The following JCAD variants were observed in gnomAD, a reference collection of about 807,000 sequenced individuals.
JCAD encodes junctional cadherin 5 associated, also known as junctional cadherin 5-associated protein.
A neutral mutation model predicts 98.0 loss-of-function variants in JCAD; 40 were observed. The observed-to-expected ratio is 0.41, with a 90% confidence interval of 0.32 to 0.53. The LOEUF is 0.53. Among genes scored for constraint, JCAD ranks in the 20% least tolerant of loss-of-function variants. JCAD has a pLI of 0.31. For missense variants in JCAD, 1,705 were observed against 1,738.1 expected (o/e 0.98, Z 0.34); for synonymous variants, 691 against 682.3 (o/e 1.01, Z -0.20).
At position 30,027,943 on chromosome 10, in the gene JCAD, T is replaced by A; in HGVS notation, c.2205A>T (p.Ala735=). The A allele has an allele frequency of 6.2e-7, 1 of 1,614,016 alleles. No individual in the cohort carries two copies. Among genetic ancestry groups the A allele is most frequent in the Non-Finnish European group, 8.5e-7 (1 of 1,179,942 alleles). ...PAASEAQTHT[A]FPTGDHKQRP... is the part of the protein sequence containing the mutation. ...TCTGTTTGTGATCACCGGTAGGGAATGCTGTGTGCGTCTGAGCTTCGGAGG... is the reference window on the plus strand; with the variant it reads ...TCTGTTTGTGATCACCGGTAGGGAAAGCTGTGTGCGTCTGAGCTTCGGAGG... The change falls in exon 3 of 4, where the codon GCA becomes GCT. Residue 735 remains alanine (A), a synonymous_variant. Transcript: ENST00000375377.
chr10:30,050,906 A>AG, intron 1 of JCAD, among the ~76,000 whole-genome samples: 1 of 152,332 alleles, frequency 6.6e-6, no homozygotes, highest in Non-Finnish European at 1.5e-5. Flanking sequence ...GCACACTTTC[A>AG]TTCATTCTAT....
At chr10:30,060,630 T>C (rs1244730810), upstream of JCAD, among the ~76,000 whole-genome samples, 1 of 152,202 alleles carries the variant, frequency 6.6e-6, no homozygotes, top group Non-Finnish European at 1.5e-5. Flanking sequence ...TTCAGAAAAC[T>C]ACTTAGCCAC....
intron 2 of JCAD, among the ~76,000 whole-genome samples, chr10:30,041,304 C>T (rs1401050419): frequency 1.3e-5 from 2 of 152,108 alleles, no homozygotes; most frequent in East Asian, 1.9e-4. Flanking sequence ...GAGGCTTTGC[C>T]TCGTAACAAG....
intron 1 of JCAD, among the ~76,000 whole-genome samples, chr10:30,092,100 AT>A (rs1194064394): frequency 0.014 from 1,116 of 82,614 alleles, 60 homozygotes; most frequent in African/African-American, 0.055. Flanking sequence ...AAGTTACTTT[AT>A]ATATATATAT....
chr10:30,109,855 C>T (rs929063041), intron 1 of JCAD, among the ~76,000 whole-genome samples: 19 of 150,120 alleles, frequency 1.3e-4, no homozygotes, highest in African/African-American at 4.7e-4. Context: ...TGTGTGGACC[C>T]CCTGGTTTAT....
At chr10:30,031,571 A>G (rs1267425643) in intron 2 of JCAD, among the ~76,000 whole-genome samples, 1 of 149,034 alleles carries the variant, frequency 6.7e-6, no homozygotes, top group Non-Finnish European at 1.5e-5. Context: ...CCTCCCGAGT[A>G]GCTGGGATTA....
chr10:30,083,732 A>G (rs1838122895), intron 1 of JCAD, among the ~76,000 whole-genome samples: 1 of 152,218 alleles, frequency 6.6e-6, no homozygotes. Context: ...TTTAAGCCAT[A>G]AGAAAGAAAA....
chr10:30,020,241 C>A (rs544545255), intron 3 of JCAD, among the ~76,000 whole-genome samples: 1 of 142,820 alleles, frequency 7.0e-6, no homozygotes, highest in East Asian at 2.2e-4. Flanking sequence ...GCACGAGAAT[C>A]ATTTGAACCT....
intron 1 of JCAD, among the ~76,000 whole-genome samples, chr10:30,086,446 G>T (rs562466838): frequency 1.3e-5 from 2 of 152,328 alleles, no homozygotes; most frequent in South Asian, 4.1e-4. Context: ...CTGCCTACAG[G>T]ATGATGTCAG....
intron 1 of JCAD, among the ~76,000 whole-genome samples, chr10:30,085,800 G>A (rs2132688724): frequency 6.6e-6 from 1 of 152,272 alleles, no homozygotes; most frequent in East Asian, 1.9e-4. Flanking sequence ...GTGCCCATGG[G>A]TTTAAGGTAA....
intron 1 of JCAD, among the ~76,000 whole-genome samples, chr10:30,106,171 C>T (rs1836210244): frequency 6.6e-6 from 1 of 152,018 alleles, no homozygotes; most frequent in African/African-American, 2.4e-5. Flanking sequence ...ACCTGTAATC[C>T]CAGCACTTTG....
intron 1 of JCAD, among the ~76,000 whole-genome samples, chr10:30,075,034 C>T (rs1034829352): frequency 2.0e-5 from 3 of 152,182 alleles, no homozygotes; most frequent in African/African-American, 7.2e-5. Flanking sequence ...CAAGTGATCC[C>T]CTGTCTCAGC....
At chr10:30,019,989 T>TA (rs71023538) in intron 3 of JCAD, among the ~76,000 whole-genome samples, 14,761 of 133,834 alleles carry the variant, frequency 0.11, 1,294 homozygotes, top group African/African-American at 0.26. Context: ...GTGATTCACT[T>TA]AAAAAAAAAA....
Position 30,026,978 on chromosome 10 carries a change from T to C in JCAD, c.3170A>G (p.Gln1057Arg). The C allele has an allele frequency of 6.2e-7, 1 of 1,614,186 alleles. No individual in the cohort carries two copies. The highest frequency in any genetic ancestry group is 8.5e-7 in the Non-Finnish European group (1 of 1,180,034). Reference protein sequence around the residue: ...DLRSVGLTPGQEQGASELEGS... With the variant: ...DLRSVGLTPGREQGASELEGS... ...CTCTAGCTCACTGGCACCCTGTTCTTGCCCAGGGGTGAGCCCCACAGACCG... is the reference window on the plus strand; with the variant it reads ...CTCTAGCTCACTGGCACCCTGTTCTCGCCCAGGGGTGAGCCCCACAGACCG... Residue 1057 changes from glutamine (Q) to arginine (R), a missense_variant, in exon 3 of 4, where the codon CAA (glutamine) becomes CGA (arginine). Coordinates refer to ENST00000375377, the MANE Select transcript of JCAD (RefSeq NM_020848.4).
chr10:30,058,279 T>C (rs1156270293), intron 1 of JCAD, among the ~76,000 whole-genome samples: 1 of 152,152 alleles, frequency 6.6e-6, no homozygotes, highest in Non-Finnish European at 1.5e-5. Flanking sequence ...TTGTGTGGTC[T>C]GCACCGCCCC....
chr10:30,045,502 C>T (rs1352033532), intron 2 of JCAD, among the ~76,000 whole-genome samples: 1 of 152,206 alleles, frequency 6.6e-6, no homozygotes, highest in Non-Finnish European at 1.5e-5. Context: ...GGTACAATCT[C>T]AGTACCTTGA....
intron 2 of JCAD, among the ~76,000 whole-genome samples, chr10:30,030,199 G>A (rs1200091859): frequency 4.6e-5 from 7 of 152,182 alleles, no homozygotes; most frequent in Non-Finnish European, 7.3e-5. Flanking sequence ...ATCCCAACAC[G>A]TTGGGAGGCC....
At chr10:30,035,768 A>C (rs1341715566) in intron 2 of JCAD, among the ~76,000 whole-genome samples, 4 of 152,242 alleles carry the variant, frequency 2.6e-5, no homozygotes, top group African/African-American at 9.6e-5. Context: ...CAGGGTGGGA[A>C]AAAGATAAGG....
chr10:30,099,413 A>G (rs986446089), intron 1 of JCAD, among the ~76,000 whole-genome samples: 3 of 152,110 alleles, frequency 2.0e-5, no homozygotes, highest in Non-Finnish European at 2.9e-5. Context: ...TTATCTAGTT[A>G]AATAATTTTC....
Sources: gnomAD v4.1 joint callset for allele counts (sites outside exome capture counted in the v4.1 genomes callset) on GRCh38, gnomAD v4.1.1 for gene constraint, MANE v1.5 for transcripts, NCBI Gene and HGNC (gene_info 2026-07-23, HGNC 2026-07-21) for gene names.